The following TMEM260 variants were observed in gnomAD, a reference collection of about 807,000 sequenced individuals.
TMEM260 encodes protein O-mannosyl-transferase TMEM260.
A neutral mutation model predicts 88.9 loss-of-function variants in TMEM260; 82 were observed. That is an observed-to-expected ratio of 0.92 (90% CI 0.77 to 1.11). The LOEUF (loss-of-function observed/expected upper bound fraction) is 1.11. TMEM260 is among the 50% of genes least tolerant of loss of function. The probability of loss-of-function intolerance (pLI) is 0.00; values close to 1 mark genes in which losing one functional copy is unlikely to be tolerated. For synonymous variants in TMEM260, 314 were observed against 309.3 expected, an observed-to-expected ratio of 1.02 and a Z score of -0.16; for missense variants, 902 against 853.4, an observed-to-expected ratio of 1.06 and a Z score of -0.71.
At position 56,648,817 on chromosome 14, in the gene TMEM260, G is replaced by T. The variant is rs528432311; in HGVS notation, c.*1320G>T. The T allele has an allele frequency of 1.3e-5, 2 of 152,578 alleles. No homozygotes were observed. The highest frequency in any genetic ancestry group is 4.8e-5 in the African/African-American group (2 of 41,430). 9.5% of individuals were successfully genotyped at this position (152,578 alleles called of 1,614,324 possible). A position where few individuals can be genotyped will look rare whatever the true frequency, so the allele number is the denominator to read the frequency against. ...TCATAAGCTGTTAAGGACCAGTGCCGAGGGCTTTTGAGTGAAATGCCAGTC... is the reference window on the plus strand; with the variant it reads ...TCATAAGCTGTTAAGGACCAGTGCCTAGGGCTTTTGAGTGAAATGCCAGTC... On this transcript the variant is annotated 3_prime_UTR_variant, in exon 16 of 16. Transcript: ENST00000261556.
In TMEM260 at chr14:56,580,043, C is replaced by T. The variant is rs980327969; in HGVS notation, c.129C>T (p.Thr43=). ...CCGTGGCCGCAGTGTTCACCTTCAC[C>T]CTGCCCCCTTCGGTACCGGGGGGAG... ...FAAVAAVFTF[T]LPPSVPGGDS... Residue 43 remains threonine, a synonymous_variant, in exon 1 of 16, where the codon ACC becomes ACT. Coordinates refer to ENST00000261556, the MANE Select transcript of TMEM260 (RefSeq NM_017799.4). The T allele has an allele frequency of 4.0e-6, 5 of 1,251,648 alleles. No homozygotes were observed. The highest frequency in any genetic ancestry group is 5.0e-6 in the Non-Finnish European group (5 of 990,362). 77.5% of individuals were successfully genotyped at this position (1,251,648 alleles called of 1,614,324 possible).
At chr14:56,658,526 G>A in the TMEM260 span, among the ~76,000 whole-genome samples, 6 of 150,448 alleles carry the variant, frequency 4.0e-5, no homozygotes, top group South Asian at 2.1e-4. Flanking sequence ...CTGAGCCACC[G>A]CACCCGGCCT....
At chr14:56,596,609 C>A (rs1022655127) in intron 3 of TMEM260, among the ~76,000 whole-genome samples, 4 of 149,510 alleles carry the variant, frequency 2.7e-5, no homozygotes, top group Non-Finnish European at 4.5e-5. Context: ...ACTAAAAATA[C>A]AAAATTAGCC....
At chr14:56,601,750 T>G (rs985882572) in intron 3 of TMEM260, among the ~76,000 whole-genome samples, 7 of 152,144 alleles carry the variant, frequency 4.6e-5, no homozygotes, top group African/African-American at 1.7e-4. Context: ...ATTAAGTGAT[T>G]TACAAGCTGT....
chr14:56,615,907 GT>G, intron 7 of TMEM260, 36 bp from the exon 8 acceptor site: 2 of 1,415,154 alleles, frequency 1.4e-6, no homozygotes, highest in Non-Finnish European at 2.0e-6. Context: ...AATCAAATTT[GT>G]TTCCTGCCAA....
At chr14:56,627,198 AAT>A (rs1312327992) in intron 12 of TMEM260, among the ~76,000 whole-genome samples, 1 of 152,204 alleles carries the variant, frequency 6.6e-6, no homozygotes, top group African/African-American at 2.4e-5. Flanking sequence ...TCACTGCATA[AAT>A]ATGACTTATT....
intron 12 of TMEM260, among the ~76,000 whole-genome samples, chr14:56,625,862 T>C (rs1888216262): frequency 6.6e-6 from 1 of 152,196 alleles, no homozygotes; most frequent in Non-Finnish European, 1.5e-5. Context: ...TGATCAACAC[T>C]ATGGCCCCCC....
At chr14:56,598,053 A>G (rs993011469) in intron 3 of TMEM260, among the ~76,000 whole-genome samples, 1 of 152,204 alleles carries the variant, frequency 6.6e-6, no homozygotes, top group Non-Finnish European at 1.5e-5. Context: ...CCAACAGTAC[A>G]GGAGAGTGCA....
chr14:56,597,194 A>G (rs1044655148), intron 3 of TMEM260, among the ~76,000 whole-genome samples: 2 of 152,244 alleles, frequency 1.3e-5, no homozygotes, highest in Non-Finnish European at 2.9e-5. Context: ...TAATCAAAAA[A>G]TCCGAAATCT....
At chr14:56,650,420 C>T (rs1890183803), downstream of TMEM260, 1 of 179,402 alleles carries the variant, frequency 5.6e-6, no homozygotes. Flanking sequence ...CTCCCTGTGC[C>T]CCCGCTGTTG....
chr14:56,580,158 G>A, intron 1 of TMEM260, 84 bp downstream of exon 1: 1 of 1,170,746 alleles, frequency 8.5e-7, no homozygotes, highest in Admixed American at 4.2e-5. Context: ...CCTGCTCTTG[G>A]CATTCGGTCT....
intron 10 of TMEM260, among the ~76,000 whole-genome samples, chr14:56,620,279 C>T (rs1887835138): frequency 6.6e-6 from 1 of 152,244 alleles, no homozygotes; most frequent in East Asian, 1.9e-4. Context: ...ACACGTGTAC[C>T]CTGAACATAA....
chr14:56,636,157 C>T (rs1031526486), intron 14 of TMEM260, among the ~76,000 whole-genome samples: 12 of 152,174 alleles, frequency 7.9e-5, no homozygotes, highest in Admixed American at 2.0e-4. Flanking sequence ...GCATGAGCTT[C>T]GTGTTGGGTA....
At chr14:56,642,944 G>T (rs58446877) in intron 15 of TMEM260, among the ~76,000 whole-genome samples, 3,797 of 152,070 alleles carry the variant, frequency 0.025, 68 homozygotes, top group Middle Eastern at 0.061. Flanking sequence ...AGACATACAC[G>T]CTCCCAAGAC....
At chr14:56,656,054 C>T in the TMEM260 span, among the ~76,000 whole-genome samples, 1 of 152,150 alleles carries the variant, frequency 6.6e-6, no homozygotes, top group African/African-American at 2.4e-5. Context: ...ACCAGAAGCA[C>T]TGTATAGTAT....
chr14:56,633,952 A>G (rs1888827118), intron 13 of TMEM260, among the ~76,000 whole-genome samples: 1 of 152,230 alleles, frequency 6.6e-6, no homozygotes, highest in East Asian at 1.9e-4. Flanking sequence ...TTGAAAAGAC[A>G]GTATGCGCAA....
chr14:56,584,878 A>G (rs1885386146), intron 1 of TMEM260, 123 bp from the exon 2 acceptor site: 1 of 723,324 alleles, frequency 1.4e-6, no homozygotes, highest in South Asian at 1.8e-5. Context: ...AAATCTCTAC[A>G]GATTTACAGT....
intron 15 of TMEM260, among the ~76,000 whole-genome samples, chr14:56,643,636 CAT>C (rs1354055294): frequency 6.6e-6 from 1 of 151,950 alleles, no homozygotes; most frequent in East Asian, 1.9e-4. Context: ...TCCTATTCAA[CAT>C]AGTGTTGGAA....
At chr14:56,584,459 A>G (rs1885356781) in intron 1 of TMEM260, among the ~76,000 whole-genome samples, 1 of 152,172 alleles carries the variant, frequency 6.6e-6, no homozygotes, top group Non-Finnish European at 1.5e-5. Flanking sequence ...AAAATGTCTT[A>G]CAGTGAACCT....
Sources: gnomAD v4.1 joint callset for allele counts (sites outside exome capture counted in the v4.1 genomes callset) on GRCh38, gnomAD v4.1.1 for gene constraint, MANE v1.5 for transcripts, NCBI Gene and HGNC (gene_info 2026-07-23, HGNC 2026-07-21) for gene names.